Variants in MGAT5 observed in about 807,000 individuals in gnomAD.
The protein encoded by MGAT5 is alpha-1,6-mannosylglycoprotein 6-beta-N-acetylglucosaminyltransferase.
Under a neutral mutation model 94.3 loss-of-function variants are expected in MGAT5, and 30 were observed. The observed-to-expected ratio is 0.32, with a 90% CI of 0.24 to 0.43. The LOEUF (loss-of-function observed/expected upper bound fraction) is 0.43. MGAT5 is among the 20% of genes least tolerant of loss of function. The probability of loss-of-function intolerance (pLI) is 1.00; values close to 1 mark genes in which losing one functional copy is unlikely to be tolerated. For synonymous variants in MGAT5, 310 were observed against 322.9 expected (o/e 0.96, Z 0.43); for missense variants, 691 against 905.5 (o/e 0.76, Z 3.04).
intron 1 of MGAT5, among the ~76,000 whole-genome samples, chr2:134,161,749 CT>C (rs1687744030): frequency 6.6e-6 from 1 of 152,056 alleles, no homozygotes; most frequent in Non-Finnish European, 1.5e-5. Flanking sequence ...TCCGGCTCTC[CT>C]TTTGTTAGAA....
At chr2:134,308,213 T>G (rs1686445607) in intron 2 of MGAT5, among the ~76,000 whole-genome samples, 1 of 152,172 alleles carries the variant, frequency 6.6e-6, no homozygotes, top group Admixed American at 6.5e-5. Context: ...TCATCTTTCC[T>G]TTTCTCTCCT....
intron 1 of MGAT5, among the ~76,000 whole-genome samples, chr2:134,157,939 A>G (rs1687552554): frequency 6.6e-6 from 1 of 152,154 alleles, no homozygotes; most frequent in Admixed American, 6.5e-5. Context: ...TGTCCTGACA[A>G]GTCTGTTCAG....
chr2:134,331,724 G>A (rs1687986260), intron 4 of MGAT5, among the ~76,000 whole-genome samples: 1 of 151,666 alleles, frequency 6.6e-6, no homozygotes, highest in South Asian at 2.1e-4. Flanking sequence ...TTGAGAAAGT[G>A]TGAAGGAAGG....
At position 134,216,099 on chromosome 2, in the gene MGAT5, T is replaced by A. The variant is rs1462981856; in HGVS notation, c.-142-38163T>A. Among the ~76,000 whole-genome samples, 3 of 152,332 alleles carry A rather than the reference T, an allele frequency of 2.0e-5. No homozygotes were observed. In the South Asian group the frequency reaches 6.2e-4, roughly 32 times the overall value. On this transcript the variant is annotated intron_variant, in intron 1 of 16. Coordinates refer to the MGAT5 transcript ENST00000409645. ...ATTCCATCATCTCTCAGTGGTTCTG[T>A]AAGAAGCTGGTAAAGTCGGTGTCTT...
intron 1 of MGAT5, among the ~76,000 whole-genome samples, chr2:134,192,047 C>T (rs1328871336): frequency 2.7e-5 from 4 of 148,362 alleles, no homozygotes; most frequent in Non-Finnish European, 3.0e-5. Flanking sequence ...GGTGGGTTCG[C>T]GCCTTCCTCT....
intron 14 of MGAT5, among the ~76,000 whole-genome samples, chr2:134,437,632 C>A (rs1168195457): frequency 6.6e-6 from 1 of 152,124 alleles, no homozygotes; most frequent in Non-Finnish European, 1.5e-5. Flanking sequence ...CTTTTCTGTT[C>A]AGTCACATGA....
intron 2 of MGAT5, among the ~76,000 whole-genome samples, chr2:134,277,750 C>T (rs188915732): frequency 1.3e-5 from 2 of 152,158 alleles, no homozygotes; most frequent in East Asian, 3.8e-4. Context: ...AAAAATGGAA[C>T]ACTGTAGTGA....
At chr2:134,255,528 T>A in intron 1 of MGAT5, among the ~76,000 whole-genome samples, 1 of 150,114 alleles carries the variant, frequency 6.7e-6, no homozygotes, top group East Asian at 1.9e-4. Flanking sequence ...TACACACACA[T>A]ATATATATAC....
At chr2:134,168,386 T>C (rs1688051351) in intron 1 of MGAT5, among the ~76,000 whole-genome samples, 1 of 152,128 alleles carries the variant, frequency 6.6e-6, no homozygotes, top group Non-Finnish European at 1.5e-5. Flanking sequence ...TTATTGTATT[T>C]GGGGGACACT....
At chr2:134,139,080 T>C (rs989366467) in intron 1 of MGAT5, among the ~76,000 whole-genome samples, 1 of 152,242 alleles carries the variant, frequency 6.6e-6, no homozygotes, top group African/African-American at 2.4e-5. Flanking sequence ...AGAAATTCTC[T>C]AAGGCTAGGC....
chr2:134,291,231 C>A (rs898857690), intron 2 of MGAT5, among the ~76,000 whole-genome samples: 3 of 152,060 alleles, frequency 2.0e-5, no homozygotes, highest in African/African-American at 7.2e-5. Context: ...TGGTCTGGGG[C>A]CTTTGGGAGG....
intron 9 of MGAT5, among the ~76,000 whole-genome samples, chr2:134,356,142 G>T (rs1400211283): frequency 2.6e-5 from 4 of 152,188 alleles, no homozygotes; most frequent in African/African-American, 9.6e-5. Flanking sequence ...TGCCTTCTGG[G>T]TGCTCACATT....
chr2:134,414,158 TG>T (rs538811090), intron 12 of MGAT5, among the ~76,000 whole-genome samples: 4,895 of 142,606 alleles, frequency 0.034, 196 homozygotes, highest in African/African-American at 0.12. Flanking sequence ...TGTGTGTGTG[TG>T]GTTTTTTTTT....
chr2:134,327,853 T>A (rs1035755412), intron 4 of MGAT5, among the ~76,000 whole-genome samples: 25 of 152,110 alleles, frequency 1.6e-4, no homozygotes, highest in Non-Finnish European at 3.5e-4. Flanking sequence ...TCACTTAGCA[T>A]AATTGCACAT....
intron 1 of MGAT5, among the ~76,000 whole-genome samples, chr2:134,146,001 C>T (rs905811443): frequency 2.6e-5 from 4 of 152,120 alleles, no homozygotes; most frequent in Non-Finnish European, 5.9e-5. Context: ...TTTTGGTTAG[C>T]CTGGTCTTTT....
At chr2:134,189,607 T>TTTTTTTTTTTTTTTTTTTTTTTTTTG (rs1553490420) in intron 1 of MGAT5, among the ~76,000 whole-genome samples, 21 of 80,600 alleles carry the variant, frequency 2.6e-4, no homozygotes, top group Non-Finnish European at 4.7e-4. Context: ...TTTTTGTTTT[T>TTTTTTTTTTTTTTTTTTTTTTTTTTG]TTTTTTTTTT....
At position 134,254,350 on chromosome 2, in the gene MGAT5, G is replaced by T. The variant is rs980501914; in HGVS notation, c.-54G>T. The stretch of plus-strand genomic sequence containing the variant: ...CACACTCAACCTACACCATGAATTT[G>T]TGTCTATCTTCTACGCGTTAAGAGC... On this transcript the variant is annotated 5_prime_UTR_variant, in exon 1 of 16. Transcript: ENST00000281923. 28 of 1,597,202 alleles carry T rather than the reference G, an allele frequency of 1.8e-5. No homozygotes were observed. The Admixed American group carries it at 4.6e-4, about 26-fold the overall frequency.
At chr2:134,344,666 A>G (rs2106019429) in intron 7 of MGAT5, among the ~76,000 whole-genome samples, 1 of 152,244 alleles carries the variant, frequency 6.6e-6, no homozygotes, top group Non-Finnish European at 1.5e-5. Flanking sequence ...CATAGTGGTG[A>G]TGGAGTCAGA....
chr2:134,387,323 TA>T lies in MGAT5; in HGVS notation c.1381-15664del, dbSNP rs1314340113. On this transcript the variant is annotated intron_variant, in intron 10 of 15. Coordinates refer to ENST00000281923, the MANE Select transcript of MGAT5 (RefSeq NM_002410.5). ...TATGATATATATATATATATATATA[TA>T]TATATATATTTTTTTTTTTTTTTTT... Among the ~76,000 whole-genome samples, 453 of 50,272 alleles carry T rather than the reference TA, an allele frequency of 9.0e-3. 5 individuals are homozygous for T. Among genetic ancestry groups the T allele is most frequent in the African/African-American group, 0.026 (288 of 11,062 alleles). 33.0% of individuals were successfully genotyped at this position (50,272 alleles called of 152,430 possible). A position where few individuals can be genotyped will look rare whatever the true frequency, so the allele number is the denominator to read the frequency against.
Sources: gnomAD v4.1 joint callset for allele counts (sites outside exome capture counted in the v4.1 genomes callset) on GRCh38, gnomAD v4.1.1 for gene constraint, MANE v1.5 for transcripts, NCBI Gene and HGNC (gene_info 2026-07-23, HGNC 2026-07-21) for gene names.